The following TANK variants were observed in gnomAD, a reference collection of about 807,000 sequenced individuals.
TANK encodes TRAF family member associated NFKB activator, also known as TRAF family member-associated NF-kappa-B activator.
A neutral mutation model predicts 43.6 loss-of-function variants in TANK; 15 were observed. The observed-to-expected ratio is 0.34, with a 90% confidence interval of 0.23 to 0.53. The LOEUF is 0.53. TANK is among the 20% of genes least tolerant of loss of function. The pLI is 0.94. For missense variants in TANK, 417 were observed against 498.6 expected (o/e 0.84, Z 1.56); for synonymous variants, 162 against 178.2 (o/e 0.91, Z 0.73).
rs748177325 is a variant in TANK, at chr2:161,161,273, C to T, written c.-50+787C>T. On this transcript the variant is annotated intron_variant, in intron 1 of 7. Transcript: ENST00000392749. ...CCTTGCTATGTAAAGTGGTGTTTAT[C>T]TCACCTCACAGGAGATGCTTTTGAC... 3.2e-6 allele frequency: 5 copies of T among 1,550,310 alleles called. No homozygotes were observed. In the South Asian group the frequency reaches 4.8e-5, roughly 15 times the overall value.
intron 1 of TANK, among the ~76,000 whole-genome samples, chr2:161,151,521 C>T (rs918828722): frequency 2.6e-5 from 4 of 151,932 alleles, no homozygotes; most frequent in African/African-American, 9.7e-5. Flanking sequence ...TACATAATAT[C>T]CTTCTTTGTC....
In TANK at chr2:161,160,505, G is replaced by C; in HGVS notation, c.-50+19G>C. 4 of 1,260,408 alleles carry C rather than the reference G, an allele frequency of 3.2e-6. No homozygotes were observed. The highest frequency in any genetic ancestry group is 4.0e-6 in the Non-Finnish European group (4 of 1,000,770). 78.1% of individuals were successfully genotyped at this position (1,260,408 alleles called of 1,614,324 possible). On this transcript the variant is annotated intron_variant, in intron 1 of 7. Transcript: ENST00000392749. ...GAACTGTGTGAGTAAGAAACTTTGTGAATTGGTGTGTCCGAATCCGTCAAG... is the reference window on the plus strand; with the variant it reads ...GAACTGTGTGAGTAAGAAACTTTGTCAATTGGTGTGTCCGAATCCGTCAAG...
intron 4 of TANK, among the ~76,000 whole-genome samples, chr2:161,209,222 A>G (rs1686776959): frequency 6.6e-6 from 1 of 152,248 alleles, no homozygotes; most frequent in Admixed American, 6.5e-5. Flanking sequence ...GAGAACTAAG[A>G]AATTGTTGCA....
upstream of TANK, among the ~76,000 whole-genome samples, chr2:161,155,685 G>A (rs2105235871): frequency 6.6e-6 from 1 of 152,190 alleles, no homozygotes; most frequent in East Asian, 1.9e-4. Context: ...TTTCCACCTG[G>A]ATTCTTGTCG....
chr2:161,200,448 T>C (rs1686352589), intron 2 of TANK: 1 of 966,404 alleles, frequency 1.0e-6, no homozygotes, highest in African/African-American at 1.8e-5. Flanking sequence ...ACTTTCCAAA[T>C]AGCAAATAAA....
intron 4 of TANK, among the ~76,000 whole-genome samples, chr2:161,209,333 CTT>C (rs1320546995): frequency 2.0e-5 from 3 of 152,168 alleles, no homozygotes; most frequent in Non-Finnish European, 4.4e-5. Context: ...CTATTCATCT[CTT>C]GTTTACAGAA....
intron 1 of TANK, among the ~76,000 whole-genome samples, chr2:161,176,677 TC>T (rs1685187595): frequency 6.6e-6 from 1 of 152,132 alleles, no homozygotes; most frequent in African/African-American, 2.4e-5. Context: ...AGAAATTGGG[TC>T]CAAACACCTT....
chr2:161,179,542 C>A, intron 1 of TANK, 72 bp from the exon 2 acceptor site: 2 of 1,362,130 alleles, frequency 1.5e-6, no homozygotes, highest in Middle Eastern at 1.9e-4. Flanking sequence ...ATAGAACTAT[C>A]TTTAAGATGC....
At chr2:161,162,096 T>A (rs1684467741) in intron 1 of TANK, among the ~76,000 whole-genome samples, 1 of 152,182 alleles carries the variant, frequency 6.6e-6, no homozygotes, top group South Asian at 2.1e-4. Flanking sequence ...TTGAAATCAT[T>A]TCTCTCCCAA....
intron 1 of TANK, among the ~76,000 whole-genome samples, chr2:161,167,264 A>G (rs781042198): frequency 9.2e-5 from 14 of 152,210 alleles, no homozygotes; most frequent in Non-Finnish European, 2.1e-4. Flanking sequence ...ATTCCAATGT[A>G]TATATACATA....
intron 6 of TANK, 29 bp downstream of exon 6, chr2:161,224,775 T>C (rs369428301): frequency 8.0e-7 from 1 of 1,254,468 alleles, no homozygotes; most frequent in South Asian, 1.5e-5. Flanking sequence ...TACAGTAATA[T>C]TGATTTGCTT....
intron 2 of TANK, among the ~76,000 whole-genome samples, chr2:161,180,915 T>A (rs1262410015): frequency 6.6e-6 from 1 of 151,872 alleles, no homozygotes; most frequent in Non-Finnish European, 1.5e-5. Context: ...TTTTTTTTTT[T>A]TTTTGAGGAT....
chr2:161,232,680 C>T, intron 7 of TANK: 2 of 1,522,970 alleles, frequency 1.3e-6, no homozygotes, highest in Middle Eastern at 1.7e-4. Context: ...TGCATCAGTT[C>T]TAATGCTTGT....
At chr2:161,215,393 A>G (rs532705257) in intron 4 of TANK, among the ~76,000 whole-genome samples, 33 of 152,278 alleles carry the variant, frequency 2.2e-4, no homozygotes, top group Non-Finnish European at 3.7e-4. Context: ...TGGATAATCA[A>G]TTGTCTTATA....
At chr2:161,197,035 A>G (rs1686183349) in intron 2 of TANK, among the ~76,000 whole-genome samples, 1 of 152,230 alleles carries the variant, frequency 6.6e-6, no homozygotes, top group Non-Finnish European at 1.5e-5. Flanking sequence ...GTATACACAC[A>G]TGTATACAGG....
At chr2:161,190,405 A>T (rs1319126026) in intron 2 of TANK, among the ~76,000 whole-genome samples, 1 of 152,192 alleles carries the variant, frequency 6.6e-6, no homozygotes, top group Non-Finnish European at 1.5e-5. Context: ...TTCTTAAAAA[A>T]ATTAAACATA....
intron 4 of TANK, chr2:161,207,901 A>G (rs1481231137): frequency 2.0e-6 from 2 of 982,078 alleles, no homozygotes; most frequent in Middle Eastern, 5.2e-4. Context: ...TTTTTATTCT[A>G]TTTTTAATAT....
chr2:161,155,679 C>T (rs1050519755), upstream of TANK, among the ~76,000 whole-genome samples: 30 of 152,134 alleles, frequency 2.0e-4, no homozygotes, highest in African/African-American at 7.2e-4. Context: ...ATTTTTTTTC[C>T]ACCTGGATTC....
At chr2:161,204,643 C>T (rs1686565368) in intron 3 of TANK, 32 bp from the exon 4 acceptor site, 1 of 1,580,534 alleles carries the variant, frequency 6.3e-7, no homozygotes, top group Non-Finnish European at 8.6e-7. Context: ...TAAGGGTTTT[C>T]TGCTAATGTC....
Sources: allele counts gnomAD v4.1 joint callset (sites outside exome capture counted in the v4.1 genomes callset), GRCh38; gene constraint gnomAD v4.1.1; transcripts MANE v1.5; gene names NCBI Gene and HGNC (gene_info 2026-07-23, HGNC 2026-07-21).